ZMYND8: variants seen among roughly 807,000 people sequenced by gnomAD.
The protein encoded by ZMYND8 is MYND-type zinc finger-containing chromatin reader ZMYND8.
In ZMYND8, 37 loss-of-function variants were observed where a neutral mutation model predicts 140.8. The observed-to-expected ratio is 0.26, with a 90% CI of 0.20 to 0.35. The LOEUF (loss-of-function observed/expected upper bound fraction) is 0.35. Among genes scored for constraint, ZMYND8 ranks in the 10% least tolerant of loss-of-function variants. The pLI, the probability that ZMYND8 is intolerant of heterozygous loss-of-function variation, is 1.00. For synonymous variants in ZMYND8, 592 were observed against 597.1 expected (o/e 0.99, Z 0.12); for missense variants, 1,068 against 1,570.0 (o/e 0.68, Z 5.40).
Position 47,246,165 on chromosome 20 carries a change from T to C in ZMYND8, c.2127A>G (p.Lys709=). ...AKPSPHPIKD[K]LKGKDETDSP... ...AATCCGTCTCATCTTTTCCCTTCAG[T>C]TTATCCTTTATGGGGTGAGGTGAAG... Residue 709 remains lysine (K), a synonymous_variant, in exon 14 of 23, where the codon AAA becomes AAG. Transcript: ENST00000471951. The C allele has an allele frequency of 6.2e-7, 1 of 1,614,156 alleles. No individual in the cohort carries two copies. Among genetic ancestry groups the C allele is most frequent in the Non-Finnish European group, 8.5e-7 (1 of 1,180,032 alleles).
At chr20:47,231,086 T>C (rs148352540) in intron 16 of ZMYND8, among the ~76,000 whole-genome samples, 50 of 152,290 alleles carry the variant, frequency 3.3e-4, no homozygotes, top group African/African-American at 8.4e-4. Context: ...TCATTTCCCA[T>C]CTTTAACTAT....
chr20:47,251,970 TA>T, intron 12 of ZMYND8, among the ~76,000 whole-genome samples: 1 of 151,028 alleles, frequency 6.6e-6, no homozygotes, highest in African/African-American at 2.4e-5. Context: ...ACTTTTAAAT[TA>T]AAAGTTTATT....
At chr20:47,245,062 C>G (rs529867024) in intron 14 of ZMYND8, among the ~76,000 whole-genome samples, 1 of 151,964 alleles carries the variant, frequency 6.6e-6, no homozygotes, top group Non-Finnish European at 1.5e-5. Flanking sequence ...TGTCCGCCCC[C>G]CCTCCCCAAA....
At chr20:47,311,911 A>G (rs979330264) in intron 2 of ZMYND8, among the ~76,000 whole-genome samples, 5 of 152,144 alleles carry the variant, frequency 3.3e-5, no homozygotes, top group African/African-American at 7.2e-5. Context: ...GTACACTTCC[A>G]CTACCATCCA....
intron 13 of ZMYND8, among the ~76,000 whole-genome samples, 191 bp downstream of exon 13, chr20:47,249,096 C>T (rs1345504307): frequency 6.6e-6 from 1 of 152,078 alleles, no homozygotes; most frequent in African/African-American, 2.4e-5. Context: ...GTTCAAAAAG[C>T]CCTGAATTAA....
chr20:47,342,177 C>T (rs1443864672), intron 2 of ZMYND8, among the ~76,000 whole-genome samples: 2 of 151,122 alleles, frequency 1.3e-5, no homozygotes, highest in African/African-American at 2.4e-5. Flanking sequence ...ATCTCAAAAA[C>T]GAACAAACAA....
intron 10 of ZMYND8, among the ~76,000 whole-genome samples, chr20:47,278,744 G>A (rs1185520472): frequency 6.6e-6 from 1 of 152,084 alleles, no homozygotes; most frequent in Non-Finnish European, 1.5e-5. Flanking sequence ...GAGACCTGAA[G>A]AACCATATCT....
In ZMYND8 at chr20:47,314,838, C is replaced by CTCCA. The variant is rs575884202; in HGVS notation, c.86-4638_86-4635dup. Reference sequence around the variant, plus strand: ...AAACAGGAAACAACCCCAGGCAAGTCTCCACCTCTCAGGGCCTCAGGGCCT... The same window carrying CTCCA: ...AAACAGGAAACAACCCCAGGCAAGTCTCCATCCACCTCTCAGGGCCTCAGGGCCT... On this transcript the variant is annotated intron_variant, in intron 2 of 22. Transcript: ENST00000471951. Among the ~76,000 whole-genome samples the CTCCA allele has an allele frequency of 6.6e-5, 10 of 152,316 alleles. No individual in the cohort carries two copies. In the East Asian group the frequency reaches 1.9e-3, roughly 29 times the overall value.
intron 14 of ZMYND8, 127 bp from the exon 15 acceptor site, chr20:47,239,265 G>T: frequency 7.8e-7 from 1 of 1,275,538 alleles, no homozygotes; most frequent in Non-Finnish European, 1.0e-6. Flanking sequence ...AATTCGACGT[G>T]CCAAGCACAC....
chr20:47,229,219 A>C (rs187029420), intron 17 of ZMYND8, among the ~76,000 whole-genome samples: 2 of 151,736 alleles, frequency 1.3e-5, no homozygotes, highest in East Asian at 1.9e-4. Flanking sequence ...CCTGGCCTCA[A>C]GCAATCCTCA....
chr20:47,356,236 G>A (rs2083220424), intron 1 of ZMYND8: 1 of 796,630 alleles, frequency 1.3e-6, no homozygotes, highest in East Asian at 6.1e-5. Context: ...TCTTCCCCCA[G>A]CAGGGCATGT....
At chr20:47,336,209 CTAAT>C (rs2081373838) in intron 2 of ZMYND8, among the ~76,000 whole-genome samples, 1 of 152,252 alleles carries the variant, frequency 6.6e-6, no homozygotes, top group African/African-American at 2.4e-5. Context: ...GGATCCTGTG[CTAAT>C]TAAGGTCTGG....
chr20:47,303,369 A>G (rs1220597628), intron 3 of ZMYND8, among the ~76,000 whole-genome samples: 1 of 152,162 alleles, frequency 6.6e-6, no homozygotes, highest in Non-Finnish European at 1.5e-5. Flanking sequence ...CCGTATTTTC[A>G]GTATCTGACT....
intron 16 of ZMYND8, among the ~76,000 whole-genome samples, chr20:47,233,059 A>G (rs1288882156): frequency 6.6e-6 from 1 of 151,770 alleles, no homozygotes; most frequent in East Asian, 1.9e-4. Flanking sequence ...GGTGCCTGCT[A>G]CCACACCGGG....
chr20:47,317,031 A>G (rs749612934), intron 2 of ZMYND8, among the ~76,000 whole-genome samples: 1 of 152,120 alleles, frequency 6.6e-6, no homozygotes, highest in Non-Finnish European at 1.5e-5. Flanking sequence ...TCTCTGTACC[A>G]CATGGCCTTG....
intron 14 of ZMYND8, 41 bp downstream of exon 14, chr20:47,245,966 TA>T (rs1026515817): frequency 1.4e-5 from 21 of 1,539,546 alleles, no homozygotes; most frequent in Non-Finnish European, 1.7e-5. Flanking sequence ...GGTAGGATTC[TA>T]AACCAAATTA....
At position 47,290,886 on chromosome 20, in the gene ZMYND8, C is replaced by T. The variant is rs536513284; in HGVS notation, c.661-612G>A. Among the ~76,000 whole-genome samples, 10 of 152,054 alleles carry T rather than the reference C, an allele frequency of 6.6e-5. No individual in the cohort carries two copies. In the South Asian group the frequency reaches 2.1e-3, roughly 32 times the overall value. On this transcript the variant is annotated intron_variant, in intron 6 of 22. Coordinates refer to ENST00000471951, the MANE Select transcript of ZMYND8 (RefSeq NM_001281775.3). ...GATTACAGGCTTGAGCCACCGCGCC[C>T]GGCCAAACAGGGTATTTCATATATT...
chr20:47,325,092 A>T (rs1476042769), intron 2 of ZMYND8, among the ~76,000 whole-genome samples: 1 of 151,976 alleles, frequency 6.6e-6, no homozygotes, highest in Non-Finnish European at 1.5e-5. Context: ...TTTGGTAGAG[A>T]CGGGGTTTCA....
At chr20:47,269,560 A>G (rs919341877) in intron 11 of ZMYND8, among the ~76,000 whole-genome samples, 10 of 152,254 alleles carry the variant, frequency 6.6e-5, no homozygotes, top group Non-Finnish European at 1.3e-4. Context: ...ACCAGATTTC[A>G]TATTTTGATG....
Sources: gnomAD v4.1 joint callset for allele counts (sites outside exome capture counted in the v4.1 genomes callset) on GRCh38, gnomAD v4.1.1 for gene constraint, MANE v1.5 for transcripts, NCBI Gene and HGNC (gene_info 2026-07-23, HGNC 2026-07-21) for gene names.